DNER: variants seen among roughly 807,000 people sequenced by gnomAD.
DNER encodes delta and Notch-like epidermal growth factor-related receptor.
DNER carries 33 observed loss-of-function variants against 78.2 expected under a neutral mutation model. That is an observed-to-expected ratio of 0.42 (90% CI 0.32 to 0.56). DNER has a LOEUF of 0.56. DNER is among the 20% of genes least tolerant of loss of function. The pLI is 0.11. For synonymous variants in DNER, 417 were observed against 384.8 expected (o/e 1.08, Z -0.98); for missense variants, 918 against 975.3 (o/e 0.94, Z 0.78).
At chr2:229,487,820 A>T (rs117188361) in intron 6 of DNER, among the ~76,000 whole-genome samples, 1 of 152,234 alleles carries the variant, frequency 6.6e-6, no homozygotes, top group African/African-American at 2.4e-5. Flanking sequence ...CCCATGAAAC[A>T]GCATACTGAG....
intron 4 of DNER, among the ~76,000 whole-genome samples, chr2:229,550,900 T>C (rs1405694527): frequency 6.6e-6 from 1 of 152,218 alleles, no homozygotes. Context: ...CATTAACTGA[T>C]GGTCACTTGA....
At chr2:229,714,068 G>A (rs1232985335) in intron 1 of DNER, 80 bp downstream of exon 1, 3 of 1,204,236 alleles carry the variant, frequency 2.5e-6, no homozygotes, top group Non-Finnish European at 3.1e-6. Context: ...CCCATTGTCG[G>A]GCAGCAGCAG....
intron 1 of DNER, among the ~76,000 whole-genome samples, chr2:229,642,169 T>A (rs1698637026): frequency 2.0e-5 from 3 of 152,238 alleles, no homozygotes; most frequent in Admixed American, 2.0e-4. Flanking sequence ...ATTTTCCTAG[T>A]ATTGGGAATA....
intron 4 of DNER, among the ~76,000 whole-genome samples, chr2:229,584,443 C>T (rs1574913927): frequency 6.6e-6 from 1 of 152,210 alleles, no homozygotes; most frequent in East Asian, 1.9e-4. Flanking sequence ...TGTCAGCACA[C>T]GAAGGCACCA....
At chr2:229,630,876 G>A (rs985351742) in intron 1 of DNER, among the ~76,000 whole-genome samples, 2 of 152,046 alleles carry the variant, frequency 1.3e-5, no homozygotes, top group African/African-American at 4.8e-5. Context: ...ACTTATAAGT[G>A]AGAACATGTG....
chr2:229,665,633 T>A (rs1003807185), intron 1 of DNER, among the ~76,000 whole-genome samples: 3 of 152,158 alleles, frequency 2.0e-5, no homozygotes, highest in Non-Finnish European at 4.4e-5. Flanking sequence ...TGCCAAATTG[T>A]CAGTATTTAA....
rs138540339 is a variant in DNER at position 229,506,965 on chromosome 2, C to G, written c.1147+5818G>C. On this transcript the variant is annotated intron_variant, in intron 6 of 12. Coordinates refer to ENST00000341772, the MANE Select transcript of DNER (RefSeq NM_139072.4). ...GCTAATGTCATGGAATTTACTTACACAAACCTAGATGATATAGCCTACTAC... is the reference window on the plus strand; with the variant it reads ...GCTAATGTCATGGAATTTACTTACAGAAACCTAGATGATATAGCCTACTAC... 3.3e-3 allele frequency among the ~76,000 whole-genome samples: 506 copies of G among 152,218 alleles called. 4 individuals are homozygous for G. The highest frequency in any genetic ancestry group is 0.012 in the African/African-American group (480 of 41,540).
At chr2:229,408,990 C>T (rs769773092) in intron 9 of DNER, among the ~76,000 whole-genome samples, 38 of 152,196 alleles carry the variant, frequency 2.5e-4, no homozygotes, top group Non-Finnish European at 4.4e-4. Context: ...GCAGCCATGT[C>T]TTAGTTTCCT....
intron 1 of DNER, among the ~76,000 whole-genome samples, chr2:229,683,739 T>G (rs1204925067): frequency 1.3e-5 from 2 of 152,106 alleles, no homozygotes; most frequent in Non-Finnish European, 2.9e-5. Context: ...TTTACACATA[T>G]TTAATAACAT....
chr2:229,656,135 TA>T (rs1433599715), intron 1 of DNER, among the ~76,000 whole-genome samples: 2 of 152,128 alleles, frequency 1.3e-5, no homozygotes, highest in African/African-American at 4.8e-5. Flanking sequence ...CCTAGGAAAT[TA>T]ATACAGGCAC....
chr2:229,549,779 C>T (rs900724628), intron 4 of DNER, among the ~76,000 whole-genome samples: 10 of 151,782 alleles, frequency 6.6e-5, no homozygotes, highest in African/African-American at 2.4e-4. Context: ...GGCATGTTGG[C>T]ATGCGCCTGT....
rs13009418 is a variant in DNER, at chr2:229,493,312, C to T, written c.1148-16059G>A. ...ATATTTTGGCAGTGGTGGTTCTGAACTTGTATCACCGCTATTCTTTTCAGA... is the reference window on the plus strand; with the variant it reads ...ATATTTTGGCAGTGGTGGTTCTGAATTTGTATCACCGCTATTCTTTTCAGA... On this transcript the variant is annotated intron_variant, in intron 6 of 12. Transcript: ENST00000341772. 6.6e-3 allele frequency among the ~76,000 whole-genome samples: 1,004 copies of T among 152,256 alleles called. 6 individuals carry two copies. The highest frequency in any genetic ancestry group is 9.2e-3 in the Non-Finnish European group (628 of 68,026).
intron 1 of DNER, among the ~76,000 whole-genome samples, chr2:229,603,776 C>T (rs570699052): frequency 1.3e-4 from 19 of 143,254 alleles, no homozygotes; most frequent in Non-Finnish European, 2.2e-4. Flanking sequence ...TTGTGCTTTG[C>T]AATTTTTGTG....
At chr2:229,691,473 G>A (rs562057433) in intron 1 of DNER, among the ~76,000 whole-genome samples, 10 of 151,572 alleles carry the variant, frequency 6.6e-5, no homozygotes, top group South Asian at 2.1e-4. Context: ...AGAGCTTCCC[G>A]TTCAAAGATT....
rs567954754 is a variant in DNER, at chr2:229,705,699, T to TG, written c.276+8448dup. On this transcript the variant is annotated intron_variant, in intron 1 of 12. Coordinates refer to ENST00000341772, the MANE Select transcript of DNER (RefSeq NM_139072.4). ...CAGGTAGGTTTCCTTAGCCATAAGA[T>TG]GGGGACTCATATTCACTTTTATCAA... is the stretch of plus-strand genomic sequence containing the variant. Among the ~76,000 whole-genome samples the TG allele has an allele frequency of 4.1e-3, 627 of 152,318 alleles. 6 individuals carry two copies. Among genetic ancestry groups the TG allele is most frequent in the African/African-American group, 0.015 (610 of 41,562 alleles).
rs141426114 is a variant in DNER at position 229,403,928 on chromosome 2, T to G, written c.1723+3304A>C. 4.9e-4 allele frequency among the ~76,000 whole-genome samples: 74 copies of G among 152,302 alleles called. 1 individual carries two copies. The highest frequency in any genetic ancestry group is 1.6e-3 in the African/African-American group (68 of 41,562). On this transcript the variant is annotated intron_variant, in intron 10 of 12. Coordinates refer to ENST00000341772, the MANE Select transcript of DNER (RefSeq NM_139072.4). The stretch of plus-strand genomic sequence containing the variant: ...AGGTCTTAAAGATTATGTTAAGGAC[T>G]TTGATCTTTTTCCTAAGGACAATAA...
At chr2:229,570,119 T>C (rs1697189033) in intron 4 of DNER, among the ~76,000 whole-genome samples, 1 of 152,182 alleles carries the variant, frequency 6.6e-6, no homozygotes, top group African/African-American at 2.4e-5. Context: ...CAAGTTGGAG[T>C]TGGGTTTCCA....
At chr2:229,498,929 C>T (rs1695555433) in intron 6 of DNER, among the ~76,000 whole-genome samples, 2 of 152,112 alleles carry the variant, frequency 1.3e-5, no homozygotes, top group Admixed American at 1.3e-4. Flanking sequence ...TTGTATGGAA[C>T]CACAAAAGAC....
At chr2:229,691,044 G>A (rs1307942181) in intron 1 of DNER, among the ~76,000 whole-genome samples, 1 of 152,058 alleles carries the variant, frequency 6.6e-6, no homozygotes, top group African/African-American at 2.4e-5. Flanking sequence ...CTCTAAAGTT[G>A]GACCTGGTCA....
Sources: gnomAD v4.1 joint callset for allele counts (sites outside exome capture counted in the v4.1 genomes callset) on GRCh38, gnomAD v4.1.1 for gene constraint, MANE v1.5 for transcripts, NCBI Gene and HGNC (gene_info 2026-07-23, HGNC 2026-07-21) for gene names.